The following AKT3 variants were observed in gnomAD, a reference collection of about 807,000 sequenced individuals.
The protein encoded by AKT3 is AKT serine/threonine kinase 3.
AKT3 carries 15 observed loss-of-function variants against 65.3 expected under a neutral mutation model. The ratio of observed to expected loss-of-function variants is 0.23; its 90% CI spans 0.15 to 0.35. The LOEUF (loss-of-function observed/expected upper bound fraction) is 0.35. Among genes scored for constraint, AKT3 ranks in the 10% least tolerant of loss-of-function variants. The pLI is 1.00. For synonymous variants in AKT3, 206 were observed against 183.8 expected, an observed-to-expected ratio of 1.12 and a Z score of -0.98; for missense variants, 243 against 576.5, an observed-to-expected ratio of 0.42 and a Z score of 5.92.
At chr1:243,702,915 A>G (rs1457546348) in intron 2 of AKT3, 1 of 152,212 alleles carries the variant, frequency 6.6e-6, no homozygotes, top group Non-Finnish European at 1.5e-5. Context: ...AAATATAAAC[A>G]TTTTATGAAT....
intron 10 of AKT3, among the ~76,000 whole-genome samples, chr1:243,562,645 T>C (rs1484149256): frequency 1.3e-5 from 2 of 152,126 alleles, no homozygotes; most frequent in African/African-American, 4.8e-5. Flanking sequence ...ACTGTCATTA[T>C]GAGGAAGTCC....
intron 5 of AKT3, among the ~76,000 whole-genome samples, chr1:243,643,623 T>C (rs1039572018): frequency 3.9e-5 from 6 of 152,230 alleles, no homozygotes; most frequent in African/African-American, 1.4e-4. Context: ...TCCTTTCCAA[T>C]TGAGTTTTTA....
chr1:243,677,904 TG>T, intron 3 of AKT3, among the ~76,000 whole-genome samples: 1 of 151,942 alleles, frequency 6.6e-6, no homozygotes, highest in Non-Finnish European at 1.5e-5. Flanking sequence ...CTGGACAACA[TG>T]GAGAAACCCC....
At chr1:243,833,896 T>C (rs896500770) in intron 2 of AKT3, among the ~76,000 whole-genome samples, 1 of 151,482 alleles carries the variant, frequency 6.6e-6, no homozygotes, top group African/African-American at 2.4e-5. Flanking sequence ...TCCATCTCTA[T>C]AAAAAAATAA....
intron 8 of AKT3, among the ~76,000 whole-genome samples, chr1:243,599,911 A>G (rs1299195432): frequency 1.3e-5 from 2 of 152,152 alleles, no homozygotes; most frequent in African/African-American, 2.4e-5. Flanking sequence ...GATCATCTAC[A>G]TAGAGAAATC....
intron 8 of AKT3, among the ~76,000 whole-genome samples, chr1:243,578,607 G>C (rs1675117361): frequency 6.6e-6 from 1 of 152,098 alleles, no homozygotes; most frequent in African/African-American, 2.4e-5. Flanking sequence ...GTGATGGGTT[G>C]ATAGGTGCAG....
chr1:243,778,181 G>T (rs1690677832), intron 2 of AKT3, among the ~76,000 whole-genome samples: 1 of 152,034 alleles, frequency 6.6e-6, no homozygotes, highest in South Asian at 2.1e-4. Flanking sequence ...TGCAGAAAAA[G>T]ACATCAAATA....
chr1:243,746,222 C>T (rs1440002356), intron 2 of AKT3, among the ~76,000 whole-genome samples: 5 of 152,022 alleles, frequency 3.3e-5, no homozygotes, highest in Non-Finnish European at 7.4e-5. Context: ...AATAATTTAA[C>T]GTCCATTTCT....
At chr1:243,563,923 T>C in intron 9 of AKT3, 75 bp from the exon 10 acceptor site, 1 of 1,428,418 alleles carries the variant, frequency 7.0e-7, no homozygotes, top group Non-Finnish European at 9.4e-7. Context: ...AAAAAACTAC[T>C]GAATGCTGAG....
In AKT3 at chr1:243,573,516, GATTA is replaced by G. The variant is rs536697305; in HGVS notation, c.697-472_697-469del. ...GAACTTGTTATATTCTACAATTTTTGATTAATCATGATATCTCTAAAAATATTTT... is the reference window on the plus strand; with the variant it reads ...GAACTTGTTATATTCTACAATTTTTGATCATGATATCTCTAAAAATATTTT... On this transcript the variant is annotated intron_variant, in intron 8 of 13. Transcript: ENST00000673466. 1.8e-3 allele frequency among the ~76,000 whole-genome samples: 278 copies of G among 152,204 alleles called. 1 individual carries two copies. The highest frequency in any genetic ancestry group is 3.1e-3 in the Non-Finnish European group (212 of 68,016).
intron 12 of AKT3, among the ~76,000 whole-genome samples, chr1:243,522,049 T>G (rs1670751566): frequency 6.6e-6 from 1 of 152,230 alleles, no homozygotes; most frequent in Non-Finnish European, 1.5e-5. Context: ...AGGGCTCTCA[T>G]TAGTGAAACA....
intron 8 of AKT3, among the ~76,000 whole-genome samples, chr1:243,588,745 G>A (rs1217896861): frequency 1.3e-5 from 2 of 151,906 alleles, no homozygotes; most frequent in East Asian, 3.9e-4. Flanking sequence ...AACTCAAAAT[G>A]GATTAAAAAC....
At chr1:243,695,024 T>C (rs1316492487) in intron 3 of AKT3, among the ~76,000 whole-genome samples, 1 of 151,588 alleles carries the variant, frequency 6.6e-6, no homozygotes, top group Admixed American at 6.6e-5. Flanking sequence ...ATAATAATCA[T>C]TGTCATTATC....
chr1:243,642,349 G>T (rs12144518), intron 5 of AKT3, among the ~76,000 whole-genome samples: 2 of 152,096 alleles, frequency 1.3e-5, no homozygotes, highest in African/African-American at 4.8e-5. Flanking sequence ...TCGCTCTGTC[G>T]CCCAGGCTAG....
intron 8 of AKT3, among the ~76,000 whole-genome samples, chr1:243,612,264 G>A (rs1677926743): frequency 1.3e-5 from 2 of 151,668 alleles, no homozygotes; most frequent in Admixed American, 1.3e-4. Flanking sequence ...CTGGGTGTGT[G>A]CCACCATGTC....
intron 2 of AKT3, among the ~76,000 whole-genome samples, chr1:243,829,487 CA>C (rs1285687731): frequency 6.6e-6 from 1 of 151,846 alleles, no homozygotes; most frequent in African/African-American, 2.4e-5. Flanking sequence ...ATATTCACAA[CA>C]AAAAAGATTA....
At chr1:243,713,843 G>A (rs762951587) in intron 2 of AKT3, among the ~76,000 whole-genome samples, 21 of 151,530 alleles carry the variant, frequency 1.4e-4, no homozygotes, top group Non-Finnish European at 2.4e-4. Context: ...GCTGCAAACG[G>A]GCAGACACAT....
chr1:243,710,864 T>A (rs1433680181), intron 2 of AKT3, among the ~76,000 whole-genome samples: 3 of 152,184 alleles, frequency 2.0e-5, no homozygotes, highest in Non-Finnish European at 4.4e-5. Context: ...TAAACCTCCA[T>A]GAGGAGAAGA....
chr1:243,795,476 G>GTTTTTTTT (rs11440720), intron 2 of AKT3, among the ~76,000 whole-genome samples: 1 of 109,868 alleles, frequency 9.1e-6, no homozygotes, highest in Admixed American at 1.1e-4. Flanking sequence ...TTTTTTTTTG[G>GTTTTTTTT]TTTTTTTTTT....
Sources: gnomAD v4.1 joint callset for allele counts (sites outside exome capture counted in the v4.1 genomes callset) on GRCh38, gnomAD v4.1.1 for gene constraint, MANE v1.5 for transcripts, NCBI Gene and HGNC (gene_info 2026-07-23, HGNC 2026-07-21) for gene names.